Variants in UBE2Q2 observed in about 807,000 individuals in gnomAD.
UBE2Q2 encodes ubiquitin conjugating enzyme E2 Q2.
A neutral mutation model predicts 59.9 loss-of-function variants in UBE2Q2; 54 were observed. That is an observed-to-expected ratio of 0.90 (90% CI 0.72 to 1.13). The LOEUF (loss-of-function observed/expected upper bound fraction) is 1.13. UBE2Q2 is among the 50% of genes most tolerant of loss of function. The probability of loss-of-function intolerance (pLI) is 0.00; values close to 1 mark genes in which losing one functional copy is unlikely to be tolerated. For missense variants in UBE2Q2, 433 were observed against 441.9 expected (o/e 0.98, Z 0.18); for synonymous variants, 165 against 155.2 (o/e 1.06, Z -0.47).
chr15:75,875,362 TC>T (rs1429578992), intron 5 of UBE2Q2, among the ~76,000 whole-genome samples: 3 of 152,188 alleles, frequency 2.0e-5, no homozygotes, highest in African/African-American at 4.8e-5. Flanking sequence ...AAAAAATAGT[TC>T]CGTTTGTATT....
chr15:75,877,159 CAAA>C (rs59289858), intron 6 of UBE2Q2, among the ~76,000 whole-genome samples: 5 of 67,664 alleles, frequency 7.4e-5, no homozygotes, highest in African/African-American at 2.3e-4. Flanking sequence ...GAGACTCTGT[CAAA>C]AAAAAAAAAA....
chr15:75,873,686 T>C, intron 5 of UBE2Q2, 118 bp downstream of exon 5: 1 of 1,169,744 alleles, frequency 8.5e-7, no homozygotes. Context: ...TCTGCCTTAG[T>C]GGTGGATTCA....
At chr15:75,886,343 C>T (rs1898766651) in intron 9 of UBE2Q2, among the ~76,000 whole-genome samples, 1 of 151,968 alleles carries the variant, frequency 6.6e-6, no homozygotes, top group African/African-American at 2.4e-5. Flanking sequence ...TGGTCTCAAA[C>T]TCCTGGCCTG....
chr15:75,876,620 G>A (rs565703308), intron 6 of UBE2Q2, among the ~76,000 whole-genome samples: 96 of 152,220 alleles, frequency 6.3e-4, no homozygotes, highest in Non-Finnish European at 1.4e-3. Context: ...GAGAATAATT[G>A]CCAAGTTGAT....
Position 75,878,600 on chromosome 15 carries a change from TAAAAAAAAAA to T in UBE2Q2, c.735-480_735-471del, listed in dbSNP as rs142315305. On this transcript the variant is annotated intron_variant, in intron 7 of 12. Coordinates refer to ENST00000267938, the MANE Select transcript of UBE2Q2 (RefSeq NM_173469.4). The stretch of plus-strand genomic sequence containing the variant: ...CAACAGAATGAGGCACCCGGTCTCT[TAAAAAAAAAA>T]AAAAAAAAAAAAAAAAAGTTGGGGG... 3.8e-3 allele frequency among the ~76,000 whole-genome samples: 324 copies of T among 86,032 alleles called. 8 individuals are homozygous for T. The highest frequency in any genetic ancestry group is 0.014 in the African/African-American group (309 of 22,790). 56.4% of individuals were successfully genotyped at this position (86,032 alleles called of 152,430 possible).
intron 9 of UBE2Q2, among the ~76,000 whole-genome samples, chr15:75,884,442 G>T (rs1351003573): frequency 6.6e-6 from 1 of 152,044 alleles, no homozygotes; most frequent in East Asian, 1.9e-4. Context: ...ATGTGTTTTG[G>T]GGGCTAAAAT....
At position 75,854,386 on chromosome 15, in the gene UBE2Q2, G is replaced by A. The variant is rs750889339; in HGVS notation, c.181G>A (p.Glu61Lys). Residue 61 changes from glutamate (E) to lysine (K), a missense_variant and splice_region_variant, in exon 2 of 13, where the codon GAA becomes AAA. Transcript: ENST00000267938. ...PPLTLHCNIT[E>K]SYPSSSPIWF... ...TAACATGTGTCTCTGTGTTAAACAGGAATCCTATCCATCTTCTTCACCGAT... is the reference window on the plus strand; with the variant it reads ...TAACATGTGTCTCTGTGTTAAACAGAAATCCTATCCATCTTCTTCACCGAT... The A allele has an allele frequency of 5.8e-5, 93 of 1,610,596 alleles. No homozygotes were observed. The highest frequency in any genetic ancestry group is 1.6e-4 in the Middle Eastern group (1 of 6,066).
intron 3 of UBE2Q2, among the ~76,000 whole-genome samples, chr15:75,862,237 A>G (rs74024006): frequency 0.04 from 6,032 of 151,626 alleles, 219 homozygotes; most frequent in African/African-American, 0.095. Flanking sequence ...TTGAGGACCA[A>G]CTCCCAAGAT....
rs560496894 is a variant in UBE2Q2, at chr15:75,876,291, T to G, written c.673+20T>G. ...AAACAGGTAAGGATCTCTGGATCCC[T>G]GCTCTCTTTATGATTCTTCTGCTCT... On this transcript the variant is annotated intron_variant, in intron 6 of 12. Transcript: ENST00000267938. The G allele has an allele frequency of 6.9e-6, 11 of 1,591,582 alleles. No individual in the cohort carries two copies. In the South Asian group the frequency reaches 1.2e-4, roughly 18 times the overall value.
At chr15:75,862,316 G>T (rs1006489138) in intron 3 of UBE2Q2, among the ~76,000 whole-genome samples, 5 of 151,426 alleles carry the variant, frequency 3.3e-5, no homozygotes, top group African/African-American at 1.2e-4. Context: ...TTGTTCCATG[G>T]TTGTATTCAT....
At chr15:75,877,660 G>A (rs894142078) in intron 6 of UBE2Q2, among the ~76,000 whole-genome samples, 30 of 152,184 alleles carry the variant, frequency 2.0e-4, no homozygotes, top group African/African-American at 7.2e-4. Context: ...GTAGAAATGT[G>A]TGTTCATGGA....
chr15:75,857,357 T>C (rs116523258), intron 2 of UBE2Q2, among the ~76,000 whole-genome samples: 1 of 151,922 alleles, frequency 6.6e-6, no homozygotes, highest in African/African-American at 2.4e-5. Flanking sequence ...TACATAAACA[T>C]GTTCATAAGG....
At chr15:75,860,488 T>A (rs1016415381) in intron 3 of UBE2Q2, among the ~76,000 whole-genome samples, 1 of 152,150 alleles carries the variant, frequency 6.6e-6, no homozygotes, top group African/African-American at 2.4e-5. Context: ...TTAGCTCTTA[T>A]ACCACCCACT....
chr15:75,891,777 GT>G (rs1899123588), intron 11 of UBE2Q2, among the ~76,000 whole-genome samples: 1 of 152,196 alleles, frequency 6.6e-6, no homozygotes, highest in Admixed American at 6.5e-5. Context: ...TAGGACATTA[GT>G]GAGACAGCCT....
chr15:75,843,625 C>T lies in UBE2Q2; in HGVS notation c.-42C>T, dbSNP rs1335629199. On this transcript the variant is annotated 5_prime_UTR_variant, in exon 1 of 13. Transcript: ENST00000267938. The stretch of plus-strand genomic sequence containing the variant: ...CCGGGCCCGGCTCCCCTTCCGCGCC[C>T]GGCTCCCCTTCCGCGCCCCTCCCGC... The T allele has an allele frequency of 1.3e-6, 2 of 1,544,982 alleles. No homozygotes were observed. The highest frequency in any genetic ancestry group is 1.7e-6 in the Non-Finnish European group (2 of 1,149,072).
In UBE2Q2 at chr15:75,859,900, T is replaced by A; in HGVS notation, c.305T>A (p.Leu102Ter). 1 of 1,596,634 alleles carries A rather than the reference T, an allele frequency of 6.3e-7. No homozygotes were observed. The highest frequency in any genetic ancestry group is 8.5e-7 in the Non-Finnish European group (1 of 1,175,170). ...NNLLRQQLKWLICELCSLYNL... is the reference protein window; with the variant it reads ...NNLLRQQLKW ...TAGCTTCGTCAGCAATTGAAGTGGT[T>A]GATATGTGAACTCTGCAGTTTATAT... Residue 102 changes from leucine (L) to a stop codon, truncating the protein, a stop_gained, in exon 3 of 13, where the codon TTG (leucine) becomes TAG (stop). Coordinates refer to ENST00000267938, the MANE Select transcript of UBE2Q2 (RefSeq NM_173469.4). LOFTEE classifies it high-confidence loss of function.
intron 2 of UBE2Q2, among the ~76,000 whole-genome samples, chr15:75,857,369 TAAATG>T (rs1249809195): frequency 6.6e-6 from 1 of 152,196 alleles, no homozygotes; most frequent in African/African-American, 2.4e-5. Context: ...TTCATAAGGT[TAAATG>T]AAATAGGATA....
Position 75,859,885 on chromosome 15 carries a change from A to C in UBE2Q2, c.290A>C (p.Gln97Pro), listed in dbSNP as rs746364049. The change falls in exon 3 of 13, where the codon CAG (glutamine) becomes CCG (proline). Residue 97 changes from glutamine to proline, a missense_variant. Physicochemically the swap from Gln to Pro is moderately conservative, Grantham distance 76 (BLOSUM62 -1). Coordinates refer to ENST00000267938, the MANE Select transcript of UBE2Q2 (RefSeq NM_173469.4). ...EDTKNNNLLR[Q>P]QLKWLICELC... ...CTGAAATGTGTTTTGTAGCTTCGTC[A>C]GCAATTGAAGTGGTTGATATGTGAA... The C allele has an allele frequency of 3.2e-6, 5 of 1,586,730 alleles. No individual in the cohort carries two copies. In the South Asian group the frequency reaches 5.9e-5, roughly 19 times the overall value.
chr15:75,856,269 G>GTGTGTGTGTGTATATATATA (rs1256142539), intron 2 of UBE2Q2, among the ~76,000 whole-genome samples: 12 of 139,282 alleles, frequency 8.6e-5, no homozygotes, highest in African/African-American at 3.3e-4. Context: ...GTGTGTGTGT[G>GTGTGTGTGTGTATATATATA]TATATATATA....
Sources: gnomAD v4.1 joint callset for allele counts (sites outside exome capture counted in the v4.1 genomes callset) on GRCh38, gnomAD v4.1.1 for gene constraint, MANE v1.5 for transcripts, NCBI Gene and HGNC (gene_info 2026-07-23, HGNC 2026-07-21) for gene names.